DOCK8: variants seen among roughly 807,000 people sequenced by gnomAD.
DOCK8 encodes the protein dedicator of cytokinesis protein 8.
DOCK8 carries 141 observed loss-of-function variants against 245.6 expected under a neutral mutation model. The ratio of observed to expected loss-of-function variants is 0.57; its 90% confidence interval spans 0.50 to 0.66. The LOEUF is 0.66. Among genes scored for constraint, DOCK8 ranks in the 30% least tolerant of loss-of-function variants. The pLI, the probability that DOCK8 is intolerant of heterozygous loss-of-function variation, is 0.00. For missense variants in DOCK8, 2,965 were observed against 2,603.4 expected, an observed-to-expected ratio of 1.14 and a Z score of -3.02; for synonymous variants, 1,168 against 970.2, an observed-to-expected ratio of 1.20 and a Z score of -3.79.
chr9:351,330 A>G (rs1048179792), intron 14 of DOCK8, among the ~76,000 whole-genome samples: 13 of 152,196 alleles, frequency 8.5e-5, no homozygotes, highest in Non-Finnish European at 1.3e-4. Context: ...GGTCTTGGGC[A>G]GGTCAGAAGG....
chr9:354,259 G>A (rs1419881873), intron 14 of DOCK8, among the ~76,000 whole-genome samples: 1 of 152,182 alleles, frequency 6.6e-6, no homozygotes, highest in Non-Finnish European at 1.5e-5. Flanking sequence ...TTGAACCCGA[G>A]AGGTGGAGGT....
intron 14 of DOCK8, among the ~76,000 whole-genome samples, chr9:367,761 A>T (rs1420242790): frequency 6.6e-6 from 1 of 152,186 alleles, no homozygotes; most frequent in Non-Finnish European, 1.5e-5. Flanking sequence ...ACATTCCAAG[A>T]CATGAAGACT....
At chr9:250,752 TAGA>T (rs1414422967) in intron 1 of DOCK8, among the ~76,000 whole-genome samples, 3 of 152,198 alleles carry the variant, frequency 2.0e-5, no homozygotes, top group Admixed American at 1.3e-4. Flanking sequence ...CATGACGGAT[TAGA>T]AGGTCAACAC....
At position 400,033 on chromosome 9, in the gene DOCK8, A is replaced by T. The variant is rs1046222952; in HGVS notation, c.3234+774A>T. Reference sequence around the variant, plus strand: ...CACCATCACCACCACCTCCACCATCACCACCACCACCTCCACCATCACCAC... The same window carrying T: ...CACCATCACCACCACCTCCACCATCTCCACCACCACCTCCACCATCACCAC... On this transcript the variant is annotated intron_variant, in intron 26 of 47. Transcript: ENST00000432829. Among the ~76,000 whole-genome samples the T allele has an allele frequency of 2.9e-4, 21 of 73,422 alleles. 1 individual carries two copies. The highest frequency in any genetic ancestry group is 8.2e-4 in the East Asian group (2 of 2,442). The allele number at this position is 73,422 out of a possible 152,430, so 48.2% of individuals were successfully genotyped here. A position where few individuals can be genotyped will look rare whatever the true frequency, so the allele number is the denominator to read the frequency against.
intron 12 of DOCK8, among the ~76,000 whole-genome samples, chr9:338,388 T>C (rs1250730705): frequency 2.0e-5 from 3 of 152,120 alleles, no homozygotes; most frequent in Admixed American, 6.6e-5. Flanking sequence ...AGGTTTCTAT[T>C]CAGCATACAT....
In DOCK8 at chr9:345,081, A is replaced by T. The variant is rs138725364; in HGVS notation, c.1679+4760A>T. 8.4e-3 allele frequency among the ~76,000 whole-genome samples: 1,282 copies of T among 152,288 alleles called. 29 individuals are homozygous for T. Among genetic ancestry groups the T allele is most frequent in the African/African-American group, 0.029 (1,204 of 41,526 alleles). ...AAAAAAAGGTATTATCTTGGCAGGGACAGCAGTTCCTATTTCTTAATTGAA... is the reference window on the plus strand; with the variant it reads ...AAAAAAAGGTATTATCTTGGCAGGGTCAGCAGTTCCTATTTCTTAATTGAA... On this transcript the variant is annotated intron_variant, in intron 14 of 47. Transcript: ENST00000432829.
rs1427676455 is a variant in DOCK8, at chr9:370,376, G to C, written c.1868+76G>C. 35 of 1,315,604 alleles carry C rather than the reference G, an allele frequency of 2.7e-5. 1 individual carries two copies. In the East Asian group the frequency reaches 7.9e-4, roughly 30 times the overall value. 81.5% of individuals were successfully genotyped at this position (1,315,604 alleles called of 1,614,324 possible). A position where few individuals can be genotyped will look rare whatever the true frequency, so the allele number is the denominator to read the frequency against. Reference sequence around the variant, plus strand: ...CCTGGTTTTTCCAAGTCCCGTGGGTGGTTCCTCCTAACTATTTTTATAATT... The same window carrying C: ...CCTGGTTTTTCCAAGTCCCGTGGGTCGTTCCTCCTAACTATTTTTATAATT... On this transcript the variant is annotated intron_variant, in intron 16 of 47. Transcript: ENST00000432829.
rs569985419 is a variant in DOCK8 at position 428,376 on chromosome 9, G to C, written c.4353G>C (p.Leu1451=). 1.2e-5 allele frequency: 19 copies of C among 1,614,162 alleles called. No homozygotes were observed. In the African/African-American group the frequency reaches 1.9e-4, roughly 16 times the overall value. ...CATTCCCCCAGGCGAGCTCGGCTCTGGACTGTAAAGACAGCCTGCTGGGAG... is the reference window on the plus strand; with the variant it reads ...CATTCCCCCAGGCGAGCTCGGCTCTCGACTGTAAAGACAGCCTGCTGGGAG... ...QENIIQASSA[L]DCKDSLLGGV... Residue 1451 remains leucine (L), a synonymous_variant, in exon 35 of 48, where the codon CTG becomes CTC. Coordinates refer to ENST00000432829, the MANE Select transcript of DOCK8 (RefSeq NM_203447.4).
At chr9:339,672 G>A (rs1346691675) in intron 13 of DOCK8, among the ~76,000 whole-genome samples, 4 of 152,034 alleles carry the variant, frequency 2.6e-5, no homozygotes, top group Admixed American at 6.6e-5. Context: ...CTGCCACCAC[G>A]CCCAGCTTAT....
intron 1 of DOCK8, among the ~76,000 whole-genome samples, chr9:236,456 C>T (rs1485876246): frequency 6.6e-6 from 1 of 152,160 alleles, no homozygotes; most frequent in Non-Finnish European, 1.5e-5. Flanking sequence ...AATGAAGGGG[C>T]TAGTGCATAT....
At chr9:368,820 C>CTTTTTTTT (rs71314707) in intron 15 of DOCK8, 2 of 94,382 alleles carry the variant, frequency 2.1e-5, no homozygotes, top group Non-Finnish European at 4.5e-5. Flanking sequence ...TTCTTTTTTT[C>CTTTTTTTT]TTTTTTTTTT....
At chr9:309,871 T>C (rs2050019550) in intron 5 of DOCK8, among the ~76,000 whole-genome samples, 1 of 152,218 alleles carries the variant, frequency 6.6e-6, no homozygotes, top group Admixed American at 6.5e-5. Flanking sequence ...AGACAGGGTC[T>C]CTTTATTTCC....
At chr9:294,680 T>C (rs2049180355) in intron 4 of DOCK8, among the ~76,000 whole-genome samples, 2 of 152,212 alleles carry the variant, frequency 1.3e-5, no homozygotes, top group African/African-American at 4.8e-5. Flanking sequence ...TTGCCAAGAC[T>C]GCATAGCAGT....
intron 1 of DOCK8, among the ~76,000 whole-genome samples, chr9:235,490 C>G (rs554743822): frequency 3.3e-5 from 5 of 152,216 alleles, no homozygotes; most frequent in African/African-American, 9.7e-5. Flanking sequence ...TGCCCTGCCC[C>G]CAGAAGTGGA....
At chr9:433,274 G>A (rs1022225976) in intron 37 of DOCK8, among the ~76,000 whole-genome samples, 7 of 152,208 alleles carry the variant, frequency 4.6e-5, no homozygotes, top group African/African-American at 1.7e-4. Context: ...AGAAATTTTA[G>A]GAGCCCTGGC....
chr9:339,238 T>G (rs2051460413), intron 13 of DOCK8, 139 bp downstream of exon 13: 1 of 780,552 alleles, frequency 1.3e-6, no homozygotes, highest in East Asian at 2.7e-5. Flanking sequence ...GTTAAGAATC[T>G]GAATTGTTCT....
chr9:379,965 T>C lies in DOCK8; in HGVS notation c.2605+30T>C, dbSNP rs10758420. 1,153,286 of 1,210,336 alleles carry C rather than the reference T, an allele frequency of 0.95. 549,914 individuals are homozygous for C. The highest frequency in any genetic ancestry group is 1 in the East Asian group (43,787 of 43,810). The allele number at this position is 1,210,336 out of a possible 1,614,324, so 75.0% of individuals were successfully genotyped here. On this transcript the variant is annotated intron_variant, in intron 21 of 47. Transcript: ENST00000432829. ...AGTTGCCCTGAGTGTGGGACTCTGG[T>C]GGGCGGGGCAACACCACCTCCACCC...
intron 24 of DOCK8, among the ~76,000 whole-genome samples, chr9:394,932 G>A (rs1335342345): frequency 6.6e-6 from 1 of 152,220 alleles, no homozygotes; most frequent in African/African-American, 2.4e-5. Flanking sequence ...GTATTTGGTT[G>A]TAGGATGGCC....
chr9:307,329 GTTTTTTT>G (rs1210792510), intron 5 of DOCK8, among the ~76,000 whole-genome samples: 1 of 75,138 alleles, frequency 1.3e-5, no homozygotes. Context: ...GTTGTGTGTG[GTTTTTTT>G]TGTTTTTTTT....
Sources: gnomAD v4.1 joint callset for allele counts (sites outside exome capture counted in the v4.1 genomes callset) on GRCh38, gnomAD v4.1.1 for gene constraint, MANE v1.5 for transcripts, NCBI Gene and HGNC (gene_info 2026-07-23, HGNC 2026-07-21) for gene names.